Variants in CEP63 observed in about 807,000 individuals in gnomAD.
The protein encoded by CEP63 is centrosomal protein 63.
A neutral mutation model predicts 89.1 loss-of-function variants in CEP63; 84 were observed. That is an observed-to-expected ratio of 0.94 (90% CI 0.79 to 1.13). The LOEUF (loss-of-function observed/expected upper bound fraction) is 1.13. Among genes scored for constraint, CEP63 ranks in the 50% most tolerant of loss-of-function variants. The pLI, the probability that CEP63 is intolerant of heterozygous loss-of-function variation, is 0.00. For synonymous variants in CEP63, 267 were observed against 272.5 expected, an observed-to-expected ratio of 0.98 and a Z score of 0.20; for missense variants, 838 against 813.3, an observed-to-expected ratio of 1.03 and a Z score of -0.37.
the CEP63 span, among the ~76,000 whole-genome samples, chr3:134,702,479 C>T: frequency 1.3e-5 from 2 of 151,462 alleles, no homozygotes; most frequent in African/African-American, 2.4e-5. Flanking sequence ...AACTATACTA[C>T]AGGGCTACAG....
At chr3:134,509,624 T>A (rs747121542) in intron 3 of CEP63, among the ~76,000 whole-genome samples, 3 of 152,194 alleles carry the variant, frequency 2.0e-5, no homozygotes, top group Non-Finnish European at 4.4e-5. Flanking sequence ...AATCCCCTAC[T>A]TGTAATAATA....
chr3:134,540,265 T>G (rs556830308), intron 6 of CEP63, among the ~76,000 whole-genome samples: 1 of 152,314 alleles, frequency 6.6e-6, no homozygotes, highest in South Asian at 2.1e-4. Flanking sequence ...AGATTTGTAG[T>G]CATAATGATT....
the CEP63 span, among the ~76,000 whole-genome samples, chr3:134,775,928 C>T: frequency 7.2e-5 from 11 of 152,108 alleles, no homozygotes; most frequent in African/African-American, 2.4e-4. Context: ...GCACCCCTCC[C>T]GGTCTCTGCA....
chr3:134,708,897 A>G, the CEP63 span, among the ~76,000 whole-genome samples: 1 of 151,490 alleles, frequency 6.6e-6, no homozygotes, highest in Non-Finnish European at 1.5e-5. Flanking sequence ...CTGGAAGGCT[A>G]GTGGGGGTGG....
chr3:134,717,359 C>A, the CEP63 span, among the ~76,000 whole-genome samples: 12 of 152,268 alleles, frequency 7.9e-5, no homozygotes, highest in Non-Finnish European at 1.3e-4. Flanking sequence ...GTAGTGTTAC[C>A]CTGCTCCACC....
At chr3:134,723,236 G>A in the CEP63 span, among the ~76,000 whole-genome samples, 30 of 152,144 alleles carry the variant, frequency 2.0e-4, no homozygotes, top group African/African-American at 7.2e-4. Flanking sequence ...TTTCACCCTT[G>A]ACTTTGAAAT....
chr3:134,495,254 A>G, intron 1 of CEP63, 42 bp from the exon 2 acceptor site: 2 of 1,344,790 alleles, frequency 1.5e-6, no homozygotes, highest in Admixed American at 3.4e-5. Flanking sequence ...TTAGAACTGA[A>G]GAAATGAATT....
the CEP63 span, among the ~76,000 whole-genome samples, chr3:134,745,649 C>T: frequency 3.3e-5 from 5 of 151,852 alleles, no homozygotes; most frequent in Non-Finnish European, 7.4e-5. Context: ...TCGTCATTTA[C>T]ATTAGGTATT....
intron 3 of CEP63, among the ~76,000 whole-genome samples, chr3:134,526,809 G>A (rs1372578290): frequency 6.6e-6 from 1 of 151,576 alleles, no homozygotes; most frequent in Non-Finnish European, 1.5e-5. Flanking sequence ...TGATGACCTT[G>A]AGAGTTTTAT....
At chr3:134,499,503 TTTTG>T (rs1404603215) in intron 2 of CEP63, among the ~76,000 whole-genome samples, 1 of 152,208 alleles carries the variant, frequency 6.6e-6, no homozygotes, top group African/African-American at 2.4e-5. Flanking sequence ...TTAGTCTCTA[TTTTG>T]TTTATTTCTG....
chr3:134,518,237 C>G (rs573745321), intron 3 of CEP63, among the ~76,000 whole-genome samples: 15 of 152,252 alleles, frequency 9.9e-5, no homozygotes, highest in African/African-American at 3.1e-4. Flanking sequence ...TCAATTAATA[C>G]AACAAGCAGA....
chr3:134,650,287 A>C, the CEP63 span, among the ~76,000 whole-genome samples: 4 of 152,342 alleles, frequency 2.6e-5, no homozygotes, highest in African/African-American at 7.2e-5. Flanking sequence ...CGTTCCTTTT[A>C]CGCCTTTCAT....
At chr3:134,508,222 T>C (rs1943952473) in intron 3 of CEP63, among the ~76,000 whole-genome samples, 1 of 152,208 alleles carries the variant, frequency 6.6e-6, no homozygotes, top group Non-Finnish European at 1.5e-5. Flanking sequence ...AAATTTCTCC[T>C]TGGTTGGCCA....
chr3:134,538,382 T>C (rs963779940), intron 6 of CEP63, among the ~76,000 whole-genome samples: 7 of 150,894 alleles, frequency 4.6e-5, no homozygotes, highest in African/African-American at 1.7e-4. Context: ...GTAGGAAAAG[T>C]CCACAACAAT....
At chr3:134,724,707 C>T in the CEP63 span, among the ~76,000 whole-genome samples, 1 of 152,292 alleles carries the variant, frequency 6.6e-6, no homozygotes. Flanking sequence ...TAAGGCAGAA[C>T]ATAAAATCAT....
chr3:134,674,820 A>G, the CEP63 span, among the ~76,000 whole-genome samples: 6 of 152,210 alleles, frequency 3.9e-5, no homozygotes, highest in East Asian at 5.8e-4. Context: ...TCCATTCACA[A>G]TGGCATCAAA....
chr3:134,650,204 G>T, the CEP63 span, among the ~76,000 whole-genome samples: 5 of 152,356 alleles, frequency 3.3e-5, no homozygotes, highest in Non-Finnish European at 7.3e-5. Flanking sequence ...CAGAAAGTGT[G>T]TAGGACAAGT....
At chr3:134,660,256 G>A in the CEP63 span, among the ~76,000 whole-genome samples, 7 of 152,282 alleles carry the variant, frequency 4.6e-5, no homozygotes, top group African/African-American at 1.4e-4. Flanking sequence ...AGGAGGTTGC[G>A]ATGGAGGGAT....
the CEP63 span, among the ~76,000 whole-genome samples, chr3:134,631,353 G>T: frequency 6.6e-6 from 1 of 152,116 alleles, no homozygotes; most frequent in South Asian, 2.1e-4. Flanking sequence ...AAGAGAATTT[G>T]GTACCAACAG....
Sources: allele counts gnomAD v4.1 joint callset (sites outside exome capture counted in the v4.1 genomes callset), GRCh38; gene constraint gnomAD v4.1.1; transcripts MANE v1.5; gene names NCBI Gene and HGNC (gene_info 2026-07-23, HGNC 2026-07-21).